ABCG2: variants seen among roughly 807,000 people sequenced by gnomAD.
ABCG2 encodes the protein broad substrate specificity ATP-binding cassette transporter ABCG2.
In ABCG2, 80 loss-of-function variants were observed where a neutral mutation model predicts 73.5. That is an observed-to-expected ratio of 1.09 (90% CI 0.91 to 1.31). The LOEUF (loss-of-function observed/expected upper bound fraction) is 1.31. Ranked by LOEUF, ABCG2 falls within the 50% of genes most tolerant of loss-of-function variation. The pLI, the probability that ABCG2 is intolerant of heterozygous loss-of-function variation, is 0.00. For missense variants in ABCG2, 796 were observed against 786.2 expected, an observed-to-expected ratio of 1.01 and a Z score of -0.15; for synonymous variants, 269 against 282.4, an observed-to-expected ratio of 0.95 and a Z score of 0.48.
chr4:88,207,493 G>A (rs913622719), intron 1 of ABCG2, among the ~76,000 whole-genome samples: 1 of 152,094 alleles, frequency 6.6e-6, no homozygotes, highest in Admixed American at 6.6e-5. Flanking sequence ...ATCTGCTATT[G>A]GGTGCTGAGA....
At chr4:88,224,649 A>C (rs550621689) in intron 1 of ABCG2, among the ~76,000 whole-genome samples, 1 of 152,038 alleles carries the variant, frequency 6.6e-6, no homozygotes, top group African/African-American at 2.4e-5. Flanking sequence ...GCACCACCAC[A>C]CTGGGCCAAA....
At chr4:88,163,940 G>A (rs1395286577), upstream of ABCG2, 1 of 154,788 alleles carries the variant, frequency 6.5e-6, no homozygotes, top group Non-Finnish European at 1.4e-5. Context: ...TCAAAAATCT[G>A]CAGATAGTCA....
intron 1 of ABCG2, among the ~76,000 whole-genome samples, chr4:88,140,609 G>A (rs565154933): frequency 7.2e-5 from 11 of 152,130 alleles, no homozygotes; most frequent in African/African-American, 2.2e-4. Context: ...GCGATAGAGC[G>A]AGACTCCATC....
intron 9 of ABCG2, among the ~76,000 whole-genome samples, chr4:88,109,179 T>C (rs1045189227): frequency 6.6e-6 from 1 of 151,896 alleles, no homozygotes; most frequent in African/African-American, 2.4e-5. Context: ...TTTGTACTTT[T>C]AGTAGACACA....
rs1279981754 is a variant in ABCG2, at chr4:88,139,785, G to T, written c.203+8C>A. The T allele has an allele frequency of 1.2e-6, 2 of 1,611,518 alleles. No individual in the cohort carries two copies. Among genetic ancestry groups the T allele is most frequent in the Non-Finnish European group, 1.7e-6 (2 of 1,178,302 alleles). ...AAAAGCTGTCTTTTTACAAGTTCAT[G>T]TACATACTTGATATTCGATAATATT... On this transcript the variant is annotated splice_region_variant and intron_variant, in intron 2 of 15. Transcript: ENST00000237612.
intron 5 of ABCG2, among the ~76,000 whole-genome samples, chr4:88,129,188 C>T (rs1373401883): frequency 1.3e-5 from 2 of 152,106 alleles, no homozygotes; most frequent in Non-Finnish European, 2.9e-5. Context: ...GATATTAACA[C>T]CTTTTCAATT....
intron 1 of ABCG2, among the ~76,000 whole-genome samples, chr4:88,196,616 A>G (rs1328310333): frequency 2.6e-5 from 4 of 152,088 alleles, no homozygotes; most frequent in African/African-American, 9.7e-5. Flanking sequence ...GAATGCCCAT[A>G]AGAAAACCAA....
At chr4:88,207,839 C>T (rs1345458148) in intron 1 of ABCG2, among the ~76,000 whole-genome samples, 3 of 152,172 alleles carry the variant, frequency 2.0e-5, no homozygotes, top group Non-Finnish European at 4.4e-5. Flanking sequence ...CCACCGCACC[C>T]AACCTCATTT....
chr4:88,125,328 A>G (rs1174671483), intron 5 of ABCG2, among the ~76,000 whole-genome samples: 6 of 116,516 alleles, frequency 5.1e-5, no homozygotes, highest in African/African-American at 1.6e-4. Context: ...CACAACTATG[A>G]CTGGGCGTGG....
In ABCG2 at chr4:88,176,081, T is replaced by C. The variant is rs1422860580; in HGVS notation, c.-19-36067A>G. ...GTTGTTTCTCCTGATGTATTGATAG[T>C]AATGATTAGAAAATTAGTCTGTAAA... On this transcript the variant is annotated intron_variant, in intron 1 of 15. Coordinates refer to the ABCG2 transcript ENST00000515655. Among the ~76,000 whole-genome samples, 3 of 152,218 alleles carry C rather than the reference T, an allele frequency of 2.0e-5. No homozygotes were observed. In the East Asian group the frequency reaches 5.8e-4, roughly 29 times the overall value.
chr4:88,153,993 G>A (rs1726741665), intron 1 of ABCG2, among the ~76,000 whole-genome samples: 1 of 152,160 alleles, frequency 6.6e-6, no homozygotes, highest in Admixed American at 6.5e-5. Flanking sequence ...ACATGGAAGA[G>A]GTTATGAAAT....
At chr4:88,166,137 A>T (rs1322317343) in intron 1 of ABCG2, among the ~76,000 whole-genome samples, 1 of 152,120 alleles carries the variant, frequency 6.6e-6, no homozygotes, top group Non-Finnish European at 1.5e-5. Context: ...TACAGAAAGA[A>T]GCCTTTCTGG....
intron 1 of ABCG2, among the ~76,000 whole-genome samples, chr4:88,213,057 G>A (rs944066909): frequency 1.3e-5 from 2 of 151,998 alleles, no homozygotes; most frequent in South Asian, 2.1e-4. Flanking sequence ...GAATGCCACC[G>A]CACCCAGCTA....
chr4:88,155,774 C>T (rs904982374), intron 1 of ABCG2, among the ~76,000 whole-genome samples: 13 of 151,762 alleles, frequency 8.6e-5, no homozygotes, highest in Non-Finnish European at 1.2e-4. Flanking sequence ...GGCGTGGTGG[C>T]ACATGCCTGT....
chr4:88,139,258 G>A (rs918394707), intron 2 of ABCG2, among the ~76,000 whole-genome samples: 2 of 151,862 alleles, frequency 1.3e-5, no homozygotes, highest in East Asian at 1.9e-4. Flanking sequence ...CACAAAGTAC[G>A]CTTTTTCTTT....
At chr4:88,097,727 G>T in intron 12 of ABCG2, 120 bp from the exon 13 acceptor site, 1 of 1,140,616 alleles carries the variant, frequency 8.8e-7, no homozygotes, top group Non-Finnish European at 1.2e-6. Flanking sequence ...ATGAAAAAAA[G>T]TCATCCACTC....
intron 1 of ABCG2, among the ~76,000 whole-genome samples, chr4:88,189,341 C>T (rs544715673): frequency 1.3e-5 from 2 of 151,970 alleles, no homozygotes; most frequent in African/African-American, 4.8e-5. Flanking sequence ...TAGTAACACA[C>T]CTTCTCCACA....
At chr4:88,113,651 T>C in intron 8 of ABCG2, 98 bp from the exon 9 acceptor site, 1 of 1,452,704 alleles carries the variant, frequency 6.9e-7, no homozygotes, top group Non-Finnish European at 9.3e-7. Flanking sequence ...CCCTAACACC[T>C]TCATTCTAAA....
intron 1 of ABCG2, among the ~76,000 whole-genome samples, chr4:88,156,370 CAAA>C (rs56029010): frequency 2.9e-5 from 2 of 69,078 alleles, no homozygotes; most frequent in African/African-American, 6.4e-5. Flanking sequence ...GACTCCGTCT[CAAA>C]AAAAAAAAAA....
Sources: allele counts gnomAD v4.1 joint callset (sites outside exome capture counted in the v4.1 genomes callset), GRCh38; gene constraint gnomAD v4.1.1; transcripts MANE v1.5; gene names NCBI Gene and HGNC (gene_info 2026-07-23, HGNC 2026-07-21).